Variants in C6orf89 observed in about 807,000 individuals in gnomAD.
The protein encoded by C6orf89 is bombesin receptor-activated protein C6orf89.
C6orf89 carries 29 observed loss-of-function variants against 40.7 expected under a neutral mutation model. That is an observed-to-expected ratio of 0.71 (90% CI 0.53 to 0.97). C6orf89 has a LOEUF of 0.97. C6orf89 is among the 50% of genes least tolerant of loss of function. The pLI is 0.00. For synonymous variants in C6orf89, 165 were observed against 152.2 expected (o/e 1.08, Z -0.62); for missense variants, 392 against 429.1 (o/e 0.91, Z 0.76).
At chr6:36,919,780 T>C (rs1762452394) in intron 8 of C6orf89, 79 bp downstream of exon 8, 1 of 1,427,616 alleles carries the variant, frequency 7.0e-7, no homozygotes, top group Non-Finnish European at 9.4e-7. Flanking sequence ...AATCACATAC[T>C]GCCTTCACAA....
Position 36,903,499 on chromosome 6 carries a change from G to A in C6orf89, c.403+1065G>A, listed in dbSNP as rs534682129. ...TTTTGAGTTGGAGTCTCGCTCTGTCGCCCAGGCTGGAGTGCAGTGGTGCGA... is the reference window on the plus strand; with the variant it reads ...TTTTGAGTTGGAGTCTCGCTCTGTCACCCAGGCTGGAGTGCAGTGGTGCGA... On this transcript the variant is annotated intron_variant, in intron 4 of 8. Coordinates refer to ENST00000480824, the MANE Select transcript of C6orf89 (RefSeq NM_001286635.2). Among the ~76,000 whole-genome samples, 313 of 151,618 alleles carry A rather than the reference G, an allele frequency of 2.1e-3. 4 individuals carry two copies. Among genetic ancestry groups the A allele is most frequent in the African/African-American group, 6.9e-3 (287 of 41,316 alleles).
chr6:36,918,490 C>T (rs923134537), intron 7 of C6orf89, among the ~76,000 whole-genome samples: 1 of 152,188 alleles, frequency 6.6e-6, no homozygotes, highest in African/African-American at 2.4e-5. Context: ...GCCATGAAAA[C>T]ATTATGGGCA....
intron 6 of C6orf89, among the ~76,000 whole-genome samples, chr6:36,915,726 G>T (rs145915248): frequency 6.6e-6 from 1 of 151,800 alleles, no homozygotes; most frequent in Non-Finnish European, 1.5e-5. Context: ...AAGGTTGGGG[G>T]AGGGGGAAAG....
At chr6:36,884,879 G>A (rs1774920929), upstream of C6orf89, among the ~76,000 whole-genome samples, 1 of 152,130 alleles carries the variant, frequency 6.6e-6, no homozygotes, top group Non-Finnish European at 1.5e-5. The surrounding 1 kb of genome is among the most constrained non-coding windows in gnomAD (Gnocchi z 4.0). Flanking sequence ...CCTGTAAACA[G>A]ATGTTTCAGA....
chr6:36,886,058 G>A (rs1420103895), intron 1 of C6orf89, 30 bp downstream of exon 1: 3 of 1,203,396 alleles, frequency 2.5e-6, no homozygotes, highest in African/African-American at 3.9e-5. Context: ...GGCTGGGTGG[G>A]GGGAGGCCGC....
chr6:36,887,915 G>A (rs1049594439), intron 1 of C6orf89, among the ~76,000 whole-genome samples: 24 of 151,936 alleles, frequency 1.6e-4, no homozygotes, highest in Middle Eastern at 6.8e-3. Flanking sequence ...GTAGATACAG[G>A]GTCTTGCTAT....
In C6orf89 at chr6:36,919,559, T is replaced by C. The variant is rs1219677365; in HGVS notation, c.826-19T>C. On this transcript the variant is annotated intron_variant, in intron 7 of 8. Transcript: ENST00000480824. ...TTTCTTTGCCTTCCTTTTCCTCCCCTCCTCATTCTTTCCTCCAGATGCATA... is the reference window on the plus strand; with the variant it reads ...TTTCTTTGCCTTCCTTTTCCTCCCCCCCTCATTCTTTCCTCCAGATGCATA... The C allele has an allele frequency of 1.9e-6, 3 of 1,606,262 alleles. No individual in the cohort carries two copies. The highest frequency in any genetic ancestry group is 1.7e-4 in the Middle Eastern group (1 of 6,054).
At chr6:36,888,629 T>C (rs1775082032) in intron 1 of C6orf89, among the ~76,000 whole-genome samples, 1 of 152,052 alleles carries the variant, frequency 6.6e-6, no homozygotes, top group Admixed American at 6.6e-5. Flanking sequence ...TGAGACCCTG[T>C]CTCAGAAAAT....
At chr6:36,886,691 A>G (rs954993165) in intron 1 of C6orf89, among the ~76,000 whole-genome samples, 3 of 152,224 alleles carry the variant, frequency 2.0e-5, no homozygotes, top group Non-Finnish European at 2.9e-5. Context: ...GTATTTAGTC[A>G]TAAATCACTT....
At position 36,902,282 on chromosome 6, in the gene C6orf89, C is replaced by T. The variant is rs1199793495; in HGVS notation, c.251C>T (p.Pro84Leu). The change falls in exon 4 of 9, where the codon CCA (proline) becomes CTA (leucine). Residue 84 changes from proline to leucine, a missense_variant. Transcript: ENST00000480824. ...TACTTTGTGATTCAACCTTTCAGCC[C>T]ATTAGCACCTGAGCCAGTGCTTTCT... ...TAYFVIQPFS[P>L]LAPEPVLSGA... 2 of 1,614,122 alleles carry T rather than the reference C, an allele frequency of 1.2e-6. No individual in the cohort carries two copies. The highest frequency in any genetic ancestry group is 2.2e-5 in the East Asian group (1 of 44,880).
At chr6:36,920,461 C>G (rs1762473367) in intron 8 of C6orf89, among the ~76,000 whole-genome samples, 1 of 152,162 alleles carries the variant, frequency 6.6e-6, no homozygotes, top group African/African-American at 2.4e-5. Flanking sequence ...CTAGGCAAGA[C>G]CTGGAGTCTC....
chr6:36,903,691 T>G (rs1445720235), intron 4 of C6orf89, among the ~76,000 whole-genome samples: 2 of 152,122 alleles, frequency 1.3e-5, no homozygotes, highest in African/African-American at 4.8e-5. Context: ...ATAATGTCAT[T>G]CTTTAAGATC....
chr6:36,901,266 G>A (rs1761673985), intron 3 of C6orf89, among the ~76,000 whole-genome samples: 1 of 149,276 alleles, frequency 6.7e-6, no homozygotes. Flanking sequence ...ACAGGTGTGA[G>A]CCACTGCGCC....
chr6:36,919,549 T>C (rs113307522), intron 7 of C6orf89, 29 bp from the exon 8 acceptor site: 14 of 1,597,428 alleles, frequency 8.8e-6, no homozygotes, highest in African/African-American at 1.3e-5. Flanking sequence ...TTGCCTTCCT[T>C]TTCCTCCCCT....
chr6:36,889,254 C>T lies in C6orf89; in HGVS notation c.-120+3226C>T, dbSNP rs536644194. The stretch of plus-strand genomic sequence containing the variant: ...GGTAATAACTGAAAAAAACGTCCTT[C>T]GAACTTGGCGTTTAGAAAGCCATTT... On this transcript the variant is annotated intron_variant, in intron 1 of 8. Coordinates refer to ENST00000480824, the MANE Select transcript of C6orf89 (RefSeq NM_001286635.2). 1.4e-4 allele frequency among the ~76,000 whole-genome samples: 21 copies of T among 152,342 alleles called. No individual in the cohort carries two copies. In the South Asian group the frequency reaches 3.7e-3, roughly 27 times the overall value.
chr6:36,912,944 C>A (rs993989919), intron 4 of C6orf89, among the ~76,000 whole-genome samples: 2 of 152,178 alleles, frequency 1.3e-5, no homozygotes, highest in Non-Finnish European at 2.9e-5. Context: ...AAATTGACTT[C>A]GTTTCAGCCA....
intron 1 of C6orf89, among the ~76,000 whole-genome samples, chr6:36,894,052 A>G (rs1761331572): frequency 6.6e-6 from 1 of 152,000 alleles, no homozygotes; most frequent in African/African-American, 2.4e-5. Flanking sequence ...AAAAAAGGAA[A>G]AAAAAAAGAC....
At chr6:36,907,580 G>A (rs545129884) in intron 4 of C6orf89, among the ~76,000 whole-genome samples, 1 of 152,282 alleles carries the variant, frequency 6.6e-6, no homozygotes, top group East Asian at 1.9e-4. Flanking sequence ...CTCCAACAGT[G>A]AAATCATTCC....
At chr6:36,894,415 A>G (rs567143488) in intron 1 of C6orf89, 89 bp from the exon 2 acceptor site, 34 of 405,566 alleles carry the variant, frequency 8.4e-5, no homozygotes, top group African/African-American at 7.4e-4. Flanking sequence ...TTGTTAGTTT[A>G]AACAGGAAAA....
Sources: gnomAD v4.1 joint callset for allele counts (sites outside exome capture counted in the v4.1 genomes callset) on GRCh38, gnomAD v4.1.1 for gene constraint, Gnocchi (gnomAD v3.1) non-coding constraint, MANE v1.5 for transcripts, NCBI Gene and HGNC (gene_info 2026-07-23, HGNC 2026-07-21) for gene names.